SLK: variants seen among roughly 807,000 people sequenced by gnomAD.
The protein encoded by SLK is STE20-like serine/threonine-protein kinase.
A neutral mutation model predicts 147.7 loss-of-function variants in SLK; 67 were observed. That is an observed-to-expected ratio of 0.45 (90% CI 0.37 to 0.56). The LOEUF (loss-of-function observed/expected upper bound fraction) is 0.56. Among genes scored for constraint, SLK ranks in the 20% least tolerant of loss-of-function variants. SLK has a pLI of 0.00. For synonymous variants in SLK, 441 were observed against 475.0 expected (o/e 0.93, Z 0.93); for missense variants, 1,136 against 1,438.8 (o/e 0.79, Z 3.41).
rs1357655567 is a variant in SLK at position 104,026,899 on chromosome 10, G to C, written c.*1179G>C. 6.6e-6 allele frequency: 1 copy of C among 152,190 alleles called. No individual in the cohort carries two copies. Among genetic ancestry groups the C allele is most frequent in the Admixed American group, 6.5e-5 (1 of 15,284 alleles). The allele number at this position is 152,190 out of a possible 1,614,324, so 9.4% of individuals were successfully genotyped here. ...GAAAAGCCTGAAGCCTTTATCATGTGGTTGCTGGTGTGTGTAATTATTAAT... is the reference window on the plus strand; with the variant it reads ...GAAAAGCCTGAAGCCTTTATCATGTCGTTGCTGGTGTGTGTAATTATTAAT... On this transcript the variant is annotated 3_prime_UTR_variant, in exon 19 of 19. Transcript: ENST00000369755.
chr10:104,010,917 A>G lies in SLK; in HGVS notation c.2877+9A>G. On this transcript the variant is annotated intron_variant, in intron 13 of 18. Transcript: ENST00000369755. ...AAAGCCAGCATGCTCAGGTAACAGC[A>G]GCAGCTTAATGCTACTAAAACCAGA... The G allele has an allele frequency of 6.4e-7, 1 of 1,551,664 alleles. No individual in the cohort carries two copies. Among genetic ancestry groups the G allele is most frequent in the Non-Finnish European group, 8.7e-7 (1 of 1,153,392 alleles).
intron 4 of SLK, among the ~76,000 whole-genome samples, chr10:103,997,566 T>C (rs2134486013): frequency 6.7e-6 from 1 of 149,896 alleles, no homozygotes; most frequent in East Asian, 1.9e-4. Flanking sequence ...TTCCAGTTTC[T>C]CCGCATGCTT....
chr10:103,977,586 T>G (rs1361002283), intron 1 of SLK, among the ~76,000 whole-genome samples: 3 of 152,188 alleles, frequency 2.0e-5, no homozygotes, highest in African/African-American at 7.2e-5. Flanking sequence ...ACTCCAGCCT[T>G]GGTGACAGAG....
chr10:103,981,632 C>A (rs989810917), intron 1 of SLK, among the ~76,000 whole-genome samples: 11 of 151,708 alleles, frequency 7.3e-5, no homozygotes, highest in Admixed American at 2.6e-4. Flanking sequence ...GGTCTTGGAA[C>A]CCTTGCCAAA....
intron 11 of SLK, among the ~76,000 whole-genome samples, chr10:104,006,674 TATC>T (rs1029957303): frequency 2.6e-5 from 4 of 152,332 alleles, no homozygotes; most frequent in African/African-American, 9.6e-5. Context: ...TTAGAAAAAG[TATC>T]ATTTGAAATG....
intron 1 of SLK, among the ~76,000 whole-genome samples, chr10:103,970,696 T>C (rs1435239246): frequency 1.3e-5 from 2 of 152,208 alleles, no homozygotes; most frequent in Non-Finnish European, 2.9e-5. Context: ...CTATGGAACC[T>C]TAACATAGTA....
intron 7 of SLK, among the ~76,000 whole-genome samples, chr10:104,000,499 A>G (rs1281168265): frequency 2.6e-5 from 4 of 152,210 alleles, no homozygotes; most frequent in African/African-American, 9.6e-5. Flanking sequence ...AAAGCAGGAA[A>G]AAATTGCTTT....
At position 104,001,568 on chromosome 10, in the gene SLK, C is replaced by T; in HGVS notation, c.989C>T (p.Ser330Phe). The T allele has an allele frequency of 6.2e-7, 1 of 1,613,660 alleles. No individual in the cohort carries two copies. The highest frequency in any genetic ancestry group is 1.1e-5 in the South Asian group (1 of 91,020). ...GATGAAGAGGAGGAAACAGAAAATT[C>T]TCTGGTCAGTATTTAGGAAAGAAAT... ...EEDEEEETEN[S>F]LPIPASKRAS... The change falls in exon 8 of 19, where the codon TCT becomes TTT. Residue 330 changes from serine to phenylalanine, a missense_variant. Physicochemically the swap from Ser to Phe is radical, Grantham distance 155. Transcript: ENST00000369755.
chr10:103,990,399 TG>T (rs944296247), intron 1 of SLK, among the ~76,000 whole-genome samples: 13 of 152,164 alleles, frequency 8.5e-5, no homozygotes, highest in African/African-American at 2.6e-4. Context: ...GCAGTGTTGA[TG>T]GGGGGGTGGT....
At chr10:103,972,355 T>G (rs1056122357) in intron 1 of SLK, among the ~76,000 whole-genome samples, 2 of 152,208 alleles carry the variant, frequency 1.3e-5, no homozygotes. Context: ...TATACAAGTT[T>G]ACATTCCCAC....
rs778894529 is a variant in SLK, at chr10:104,021,710, G to A, written c.3538G>A (p.Glu1180Lys). ...TAGCCAAGAATTAAAGGAGTGGAGA[G>A]AGAAATTGAGACCTAGGAAAAAGGT... The part of the protein sequence containing the change: ...EHSQELKEWR[E>K]KLRPRKKTLE... The change falls in exon 18 of 19, where the codon GAG (glutamate) becomes AAG (lysine). Residue 1180 changes from glutamate to lysine, a missense_variant. Physicochemically the swap from Glu to Lys is moderately conservative, Grantham distance 56 (BLOSUM62 1). Around this residue, in one of 6 missense-constraint regions of SLK, gnomAD observed 327 missense variants for 457.5 expected, o/e 0.71. Coordinates refer to ENST00000369755, the MANE Select transcript of SLK (RefSeq NM_014720.4). 2 of 1,592,260 alleles carry A rather than the reference G, an allele frequency of 1.3e-6. No homozygotes were observed. The highest frequency in any genetic ancestry group is 1.7e-6 in the Non-Finnish European group (2 of 1,162,358).
Position 103,983,977 on chromosome 10 carries a change from T to C in SLK, c.151-6698T>C, listed in dbSNP as rs1009740860. ...TCTTTTCCCTTTGTTCCCATAGTCC[T>C]AGGGGTGGTAGCTTTTGCCTGTAGT... On this transcript the variant is annotated intron_variant, in intron 1 of 18. Coordinates refer to ENST00000369755, the MANE Select transcript of SLK (RefSeq NM_014720.4). Among the ~76,000 whole-genome samples the C allele has an allele frequency of 3.9e-5, 6 of 152,336 alleles. No homozygotes were observed. In the East Asian group the frequency reaches 1.2e-3, roughly 29 times the overall value.
At chr10:103,971,314 G>A (rs147656872) in intron 1 of SLK, among the ~76,000 whole-genome samples, 3,062 of 151,978 alleles carry the variant, frequency 0.02, 68 homozygotes, top group South Asian at 0.11. Context: ...CCTCTCTGTC[G>A]CCCAGGCTGC....
At position 104,026,459 on chromosome 10, in the gene SLK, CGTTT is replaced by C. The variant is rs774975704; in HGVS notation, c.*741_*744del. 141 of 152,348 alleles carry C rather than the reference CGTTT, an allele frequency of 9.3e-4. 1 individual carries two copies. The highest frequency in any genetic ancestry group is 1.2e-3 in the Non-Finnish European group (79 of 67,966). 9.4% of individuals were successfully genotyped at this position (152,348 alleles called of 1,614,324 possible). On this transcript the variant is annotated 3_prime_UTR_variant, in exon 19 of 19. Coordinates refer to ENST00000369755, the MANE Select transcript of SLK (RefSeq NM_014720.4). ...GTTTTGGAATTTTTGCTTCTCTTAC[CGTTT>C]GATAGAAATTTTCATCCTAAAATAC...
chr10:103,987,923 C>T (rs1475283431), intron 1 of SLK, among the ~76,000 whole-genome samples: 3 of 151,900 alleles, frequency 2.0e-5, no homozygotes, highest in Non-Finnish European at 2.9e-5. Flanking sequence ...CTGCTGGGCC[C>T]GAGAATTAAA....
At position 103,993,099 on chromosome 10, in the gene SLK, C is replaced by A; in HGVS notation, c.480C>A (p.Asn160Lys). 6.2e-7 allele frequency: 1 copy of A among 1,609,952 alleles called. No homozygotes were observed. Among genetic ancestry groups the A allele is most frequent in the Admixed American group, 1.7e-5 (1 of 59,726 alleles). ...KIIHRDLKAG[N>K]ILFTLDGDIK... is the part of the protein sequence containing the mutation. The stretch of plus-strand genomic sequence containing the variant: ...TCCACAGAGATCTGAAGGCTGGCAA[C>A]ATTCTCTTTACCTTAGATGGAGATA... Residue 160 changes from asparagine to lysine, a missense_variant, in exon 4 of 19, where the codon AAC becomes AAA. Around this residue, in one of 6 missense-constraint regions of SLK, gnomAD observed 141 missense variants for 219.3 expected, o/e 0.64. Transcript: ENST00000369755.
chr10:103,982,767 A>G (rs752071703), intron 1 of SLK, among the ~76,000 whole-genome samples: 2 of 152,218 alleles, frequency 1.3e-5, no homozygotes, highest in Middle Eastern at 3.2e-3. Flanking sequence ...GCACATTCCC[A>G]GCTAAACTTG....
intron 1 of SLK, among the ~76,000 whole-genome samples, chr10:103,988,074 C>T (rs1747673): frequency 0.21 from 32,162 of 151,988 alleles, 3,737 homozygotes; most frequent in African/African-American, 0.31. Flanking sequence ...AGAAGAGAGG[C>T]GATTGTAGAA....
intron 1 of SLK, among the ~76,000 whole-genome samples, chr10:103,969,687 A>G (rs1216915450): frequency 6.6e-6 from 1 of 152,220 alleles, no homozygotes; most frequent in Admixed American, 6.5e-5. Context: ...GCAAGGCTTC[A>G]TTGTAGTGGG....
Sources: gnomAD v4.1 joint callset for allele counts (sites outside exome capture counted in the v4.1 genomes callset) on GRCh38, gnomAD v4.1.1 for gene constraint, gnomAD v4.1.1 regional missense constraint, MANE v1.5 for transcripts, NCBI Gene and HGNC (gene_info 2026-07-23, HGNC 2026-07-21) for gene names.